Variants in GPC5 observed in about 807,000 individuals in gnomAD.
The protein encoded by GPC5 is glypican 5.
GPC5 carries 47 observed loss-of-function variants against 53.9 expected under a neutral mutation model. That is an observed-to-expected ratio of 0.87 (90% CI 0.69 to 1.11). The LOEUF (loss-of-function observed/expected upper bound fraction) is 1.11, where lower values mean the gene tolerates loss of function less well. GPC5 is among the 50% of genes most tolerant of loss of function. The pLI is 0.00. For synonymous variants in GPC5, 286 were observed against 263.3 expected (o/e 1.09, Z -0.84); for missense variants, 748 against 713.1 (o/e 1.05, Z -0.56).
chr13:92,292,982 T>C (rs552575206), intron 7 of GPC5, among the ~76,000 whole-genome samples: 2 of 152,194 alleles, frequency 1.3e-5, no homozygotes, highest in South Asian at 4.2e-4. Flanking sequence ...CTGTAAATGT[T>C]TGGGTTTATT....
chr13:91,478,102 G>A (rs980117868), intron 2 of GPC5, among the ~76,000 whole-genome samples: 15 of 151,048 alleles, frequency 9.9e-5, no homozygotes, highest in African/African-American at 3.2e-4. Context: ...GAAAATTGTC[G>A]TTAGTTTTTT....
intron 2 of GPC5, among the ~76,000 whole-genome samples, chr13:91,589,647 A>G (rs1197109523): frequency 6.6e-6 from 1 of 152,130 alleles, no homozygotes; most frequent in African/African-American, 2.4e-5. Flanking sequence ...CTGATTGACA[A>G]AGGGTACAAT....
chr13:91,722,289 T>A (rs1276897789), intron 3 of GPC5, among the ~76,000 whole-genome samples: 2 of 152,216 alleles, frequency 1.3e-5, no homozygotes, highest in Non-Finnish European at 2.9e-5. Flanking sequence ...CATTTCTTAT[T>A]TAACGACATT....
intron 6 of GPC5, among the ~76,000 whole-genome samples, chr13:91,913,165 C>G (rs1273278361): frequency 1.3e-5 from 2 of 152,058 alleles, no homozygotes; most frequent in Non-Finnish European, 2.9e-5. Context: ...TTTTGAGAGG[C>G]CGAGGTGGGC....
At chr13:92,013,668 T>G (rs2040681593) in intron 6 of GPC5, among the ~76,000 whole-genome samples, 1 of 152,202 alleles carries the variant, frequency 6.6e-6, no homozygotes, top group Non-Finnish European at 1.5e-5. Context: ...CTGCCTTAAA[T>G]TTCTCTGCCT....
At chr13:91,427,465 T>C (rs2139008970) in intron 1 of GPC5, among the ~76,000 whole-genome samples, 1 of 152,354 alleles carries the variant, frequency 6.6e-6, no homozygotes, top group Admixed American at 6.5e-5. Flanking sequence ...GGTTTCATAC[T>C]TGTATGGGGC....
intron 7 of GPC5, among the ~76,000 whole-genome samples, chr13:92,188,428 T>A (rs2042199523): frequency 6.6e-6 from 1 of 152,082 alleles, no homozygotes; most frequent in Admixed American, 6.5e-5. Flanking sequence ...AGAGAGAAAG[T>A]AAAGGGAAAG....
At chr13:91,415,059 C>A (rs577394372) in intron 1 of GPC5, among the ~76,000 whole-genome samples, 7 of 152,296 alleles carry the variant, frequency 4.6e-5, no homozygotes, top group Non-Finnish European at 1.0e-4. Flanking sequence ...CTGTTTCCTA[C>A]CTTGCCTCCC....
At chr13:92,768,907 C>T (rs535946118) in intron 7 of GPC5, among the ~76,000 whole-genome samples, 5 of 152,112 alleles carry the variant, frequency 3.3e-5, no homozygotes, top group Admixed American at 2.6e-4. Flanking sequence ...ATTTCTCCAA[C>T]GTCGAGGATA....
intron 7 of GPC5, among the ~76,000 whole-genome samples, chr13:92,169,819 T>C (rs1012336397): frequency 3.3e-5 from 5 of 152,136 alleles, no homozygotes; most frequent in African/African-American, 1.2e-4. Flanking sequence ...AAAAAACCTG[T>C]CCTTACTAAT....
At chr13:92,491,330 A>C (rs1175925670) in intron 7 of GPC5, among the ~76,000 whole-genome samples, 1 of 152,174 alleles carries the variant, frequency 6.6e-6, no homozygotes, top group Non-Finnish European at 1.5e-5. Context: ...AAAGAAAAGG[A>C]AGAACCAGAA....
chr13:92,462,460 C>T (rs538882345), intron 7 of GPC5, among the ~76,000 whole-genome samples: 1 of 152,232 alleles, frequency 6.6e-6, no homozygotes, highest in South Asian at 2.1e-4. Flanking sequence ...GAATGATGGA[C>T]TGGAGATTTA....
rs867737585 is a variant in GPC5 at position 91,830,789 on chromosome 13, A to C, written c.1280+74369A>C. On this transcript the variant is annotated intron_variant, in intron 5 of 7. Coordinates refer to ENST00000377067, the MANE Select transcript of GPC5 (RefSeq NM_004466.6). ...CCTATTATATATAAAATATATATAT[A>C]CTATTATATATATAATATATATCCT... Among the ~76,000 whole-genome samples, 119 of 115,354 alleles carry C rather than the reference A, an allele frequency of 1.0e-3. 4 individuals are homozygous for C. The highest frequency in any genetic ancestry group is 5.0e-3 in the Middle Eastern group (1 of 202). 75.7% of individuals were successfully genotyped at this position (115,354 alleles called of 152,430 possible). A position where few individuals can be genotyped will look rare whatever the true frequency, so the allele number is the denominator to read the frequency against.
chr13:91,756,073 T>C (rs1032040157), intron 4 of GPC5, among the ~76,000 whole-genome samples: 2 of 27,314 alleles, frequency 7.3e-5, no homozygotes, highest in Non-Finnish European at 1.4e-4. Context: ...AGCTTTTTTT[T>C]TGAAAAAAAA....
intron 6 of GPC5, among the ~76,000 whole-genome samples, chr13:91,934,388 A>T (rs9523453): frequency 0.038 from 5,692 of 151,782 alleles, 168 homozygotes; most frequent in Middle Eastern, 0.11. Context: ...GACCCTGGGC[A>T]GTGACACATT....
chr13:91,598,637 A>G (rs558014671), intron 2 of GPC5, among the ~76,000 whole-genome samples: 1 of 152,012 alleles, frequency 6.6e-6, no homozygotes, highest in Non-Finnish European at 1.5e-5. Context: ...TTCATATTAA[A>G]TATATTTTTC....
At chr13:91,939,626 G>T (rs1237260909) in intron 6 of GPC5, among the ~76,000 whole-genome samples, 1 of 152,138 alleles carries the variant, frequency 6.6e-6, no homozygotes, top group Non-Finnish European at 1.5e-5. Context: ...GACCTCATCA[G>T]ATTTACACCT....
intron 2 of GPC5, among the ~76,000 whole-genome samples, chr13:91,673,428 TAACAACTGGTTGTTC>T (rs2035297822): frequency 6.6e-6 from 1 of 152,178 alleles, no homozygotes; most frequent in Non-Finnish European, 1.5e-5. Context: ...ATCGATGACA[TAACAACTGGTTGTTC>T]ACTTTGTGCT....
intron 7 of GPC5, among the ~76,000 whole-genome samples, chr13:92,616,114 A>C (rs756827903): frequency 5.9e-5 from 9 of 152,152 alleles, no homozygotes; most frequent in Non-Finnish European, 1.0e-4. Context: ...TACATCCAAA[A>C]AGCATGTAAA....
Sources: allele counts gnomAD v4.1 joint callset (sites outside exome capture counted in the v4.1 genomes callset), GRCh38; gene constraint gnomAD v4.1.1; transcripts MANE v1.5; gene names NCBI Gene and HGNC (gene_info 2026-07-23, HGNC 2026-07-21).